Variants in DUSP23 observed in about 807,000 individuals in gnomAD.
The protein encoded by DUSP23 is dual specificity phosphatase 23.
In DUSP23, 10 loss-of-function variants were observed where a neutral mutation model predicts 13.3. That is an observed-to-expected ratio of 0.75 (90% confidence interval 0.46 to 1.27). The LOEUF (loss-of-function observed/expected upper bound fraction) is 1.27. DUSP23 is among the 50% of genes most tolerant of loss of function. The pLI is 0.00. For missense variants in DUSP23, 228 were observed against 204.8 expected, an observed-to-expected ratio of 1.11 and a Z score of -0.69; for synonymous variants, 107 against 95.3, an observed-to-expected ratio of 1.12 and a Z score of -0.72.
At position 159,781,357 on chromosome 1, in the gene DUSP23, C is replaced by CA; in HGVS notation, c.258dup (p.Arg87ThrfsTer38). The CA allele has an allele frequency of 1.3e-6, 2 of 1,519,252 alleles. No individual in the cohort carries two copies. Among genetic ancestry groups the CA allele is most frequent in the Non-Finnish European group, 1.8e-6 (2 of 1,130,742 alleles). 94.1% of individuals were successfully genotyped at this position (1,519,252 alleles called of 1,614,324 possible). On this transcript the variant is annotated frameshift_variant, in exon 1 of 2. Coordinates refer to ENST00000368107, the MANE Select transcript of DUSP23 (RefSeq NM_001319658.2). LOFTEE classifies it high-confidence loss of function. ...GTGCAGATCGTGGACGAGGCCAACG[C>CA]ACGGGGAGAGGTCAGCGGGCGGGGT... is the stretch of plus-strand genomic sequence containing the variant.
At position 159,781,359 on chromosome 1, in the gene DUSP23, CG is replaced by C. The variant is rs1661865976; in HGVS notation, c.263del (p.Gly88GlufsTer24). ...FVQIVDEANA[R>X]GEAVGVHCAL... ...GCAGATCGTGGACGAGGCCAACGCA[CG>C]GGGAGAGGTCAGCGGGCGGGGTCAG... On this transcript the variant is annotated frameshift_variant, in exon 1 of 2. Coordinates refer to ENST00000368107, the MANE Select transcript of DUSP23 (RefSeq NM_001319658.2). LOFTEE classifies it high-confidence loss of function. 6.6e-7 allele frequency: 1 copy of C among 1,514,620 alleles called. No homozygotes were observed. The highest frequency in any genetic ancestry group is 2.5e-5 in the East Asian group (1 of 39,782). The allele number at this position is 1,514,620 out of a possible 1,614,324, so 93.8% of individuals were successfully genotyped here. A position where few individuals can be genotyped will look rare whatever the true frequency, so the allele number is the denominator to read the frequency against.
chr1:159,782,138 GC>G lies in DUSP23; in HGVS notation c.268-10del. ...GGGGGAGTTGAGTGGCACCCATCGA[GC>G]CCCCTCTTCGTAGGCTGTGGGAGTG... On this transcript the variant is annotated splice_polypyrimidine_tract_variant and intron_variant, in intron 1 of 1. Coordinates refer to ENST00000368107, the MANE Select transcript of DUSP23 (RefSeq NM_001319658.2). 6.2e-7 allele frequency: 1 copy of G among 1,612,264 alleles called. No individual in the cohort carries two copies. The highest frequency in any genetic ancestry group is 1.7e-4 in the Middle Eastern group (1 of 6,036).
Position 159,781,358 on chromosome 1 carries a change from A to G in DUSP23, c.258A>G (p.Ala86=). The change falls in exon 1 of 2, where the codon GCA becomes GCG. Residue 86 remains alanine (A), a synonymous_variant. Transcript: ENST00000368107. ...TGCAGATCGTGGACGAGGCCAACGC[A>G]CGGGGAGAGGTCAGCGGGCGGGGTC... ...RFVQIVDEAN[A]RGEAVGVHCA... The G allele has an allele frequency of 1.3e-6, 2 of 1,518,890 alleles. No homozygotes were observed. Among genetic ancestry groups the G allele is most frequent in the African/African-American group, 1.4e-5 (1 of 71,690 alleles). 94.1% of individuals were successfully genotyped at this position (1,518,890 alleles called of 1,614,324 possible).
At chr1:159,781,390 G>T in intron 1 of DUSP23, 23 bp downstream of exon 1, 1 of 1,474,996 alleles carries the variant, frequency 6.8e-7, no homozygotes. Flanking sequence ...GGTCAGCGCA[G>T]GGAGGGAGGG....
Position 159,781,096 on chromosome 1 carries a change from C to A in DUSP23, c.-5C>A, listed in dbSNP as rs1173090180. The A allele has an allele frequency of 4.5e-6, 7 of 1,541,784 alleles. No individual in the cohort carries two copies. The highest frequency in any genetic ancestry group is 6.1e-6 in the Non-Finnish European group (7 of 1,145,938). On this transcript the variant is annotated 5_prime_UTR_variant, in exon 1 of 2. Transcript: ENST00000368107. ...TGACCCGCTGTCCTGTGCCCTTTCC[C>A]AGCGATGGGCGTGCAGCCCCCCAAC...
Position 159,781,270 on chromosome 1 carries a change from C to T in DUSP23, c.170C>T (p.Thr57Ile). The T allele has an allele frequency of 1.3e-6, 2 of 1,548,168 alleles. No individual in the cohort carries two copies. Among genetic ancestry groups the T allele is most frequent in the Non-Finnish European group, 1.7e-6 (2 of 1,146,114 alleles). Residue 57 changes from threonine to isoleucine, a missense_variant, in exon 1 of 2, where the codon ACC (threonine) becomes ATC (isoleucine). Thr to Ile is a moderately conservative substitution (Grantham distance 89). Transcript: ENST00000368107. ...CACAGCGACAGCTGCCCCGGCCTCA[C>T]CCTGCACCGCCTGCGCATCCCCGAC... ...PPHSDSCPGLTLHRLRIPDFC... is the reference protein window; with the variant it reads ...PPHSDSCPGLILHRLRIPDFC...
chr1:159,782,383 T>TGGGGAAGGG lies in DUSP23; in HGVS notation c.*46_*47insGGGAAGGGG. 6.3e-7 allele frequency: 1 copy of TGGGGAAGGG among 1,599,038 alleles called. No individual in the cohort carries two copies. The highest frequency in any genetic ancestry group is 1.1e-5 in the South Asian group (1 of 89,752). ...ACCAGGCCCTCACTCCCCTTCCCCA[T>TGGGGAAGGG]GTTGTCGATGGGGCCAGAGATGAAG... On this transcript the variant is annotated 3_prime_UTR_variant, in exon 2 of 2. Coordinates refer to ENST00000368107, the MANE Select transcript of DUSP23 (RefSeq NM_001319658.2).
intron 1 of DUSP23, among the ~76,000 whole-genome samples, chr1:159,781,685 C>G (rs1256348256): frequency 3.3e-5 from 5 of 152,150 alleles, no homozygotes; most frequent in Non-Finnish European, 5.9e-5. Flanking sequence ...TTACCATTTT[C>G]TAGAGTAAAG....
Position 159,780,986 on chromosome 1 carries a change from G to A in DUSP23, c.-115G>A. 1.5e-6 allele frequency: 2 copies of A among 1,332,420 alleles called. No individual in the cohort carries two copies. Among genetic ancestry groups the A allele is most frequent in the Admixed American group, 3.0e-5 (1 of 33,850 alleles). The allele number at this position is 1,332,420 out of a possible 1,614,324, so 82.5% of individuals were successfully genotyped here. A position where few individuals can be genotyped will look rare whatever the true frequency, so the allele number is the denominator to read the frequency against. Reference sequence around the variant, plus strand: ...CAGACCACGTGGCCCGGGAGGCGCCGAGGCCAGGTAGGTGGTGAGTTACTT... The same window carrying A: ...CAGACCACGTGGCCCGGGAGGCGCCAAGGCCAGGTAGGTGGTGAGTTACTT... On this transcript the variant is annotated 5_prime_UTR_variant, in exon 1 of 2. Transcript: ENST00000368107.
Position 159,781,205 on chromosome 1 carries a change from C to T in DUSP23, c.105C>T (p.Gly35=). Residue 35 remains glycine, a synonymous_variant, in exon 1 of 2, where the codon GGC becomes GGT. Coordinates refer to ENST00000368107, the MANE Select transcript of DUSP23 (RefSeq NM_001319658.2). ...PAHYQFLLDL[G]VRHLVSLTER... Reference sequence around the variant, plus strand: ...ACTACCAGTTCCTGTTGGACCTGGGCGTGCGGCACCTGGTGTCCCTGACGG... The same window carrying T: ...ACTACCAGTTCCTGTTGGACCTGGGTGTGCGGCACCTGGTGTCCCTGACGG... The T allele has an allele frequency of 1.9e-6, 3 of 1,549,452 alleles. 1 individual carries two copies. In the South Asian group the frequency reaches 3.6e-5, roughly 18 times the overall value.
In DUSP23 at chr1:159,782,410, G is replaced by A; in HGVS notation, c.*72G>A. 6.5e-7 allele frequency: 1 copy of A among 1,541,296 alleles called. No homozygotes were observed. The highest frequency in any genetic ancestry group is 8.8e-7 in the Non-Finnish European group (1 of 1,132,142). On this transcript the variant is annotated 3_prime_UTR_variant, in exon 2 of 2. Coordinates refer to ENST00000368107, the MANE Select transcript of DUSP23 (RefSeq NM_001319658.2). ...TTGTCGATGGGGCCAGAGATGAAGGGAAGTGGACTAAAGTATTAAACCCTC... is the reference window on the plus strand; with the variant it reads ...TTGTCGATGGGGCCAGAGATGAAGGAAAGTGGACTAAAGTATTAAACCCTC...
rs1373084298 is a variant in DUSP23 at position 159,781,229 on chromosome 1, G to A, written c.129G>A (p.Thr43=). The A allele has an allele frequency of 3.9e-6, 6 of 1,549,108 alleles. No individual in the cohort carries two copies. The highest frequency in any genetic ancestry group is 3.9e-5 in the Admixed American group (2 of 50,948). ...GCGTGCGGCACCTGGTGTCCCTGACGGAGCGCGGGCCCCCTCACAGCGACA... is the reference window on the plus strand; with the variant it reads ...GCGTGCGGCACCTGGTGTCCCTGACAGAGCGCGGGCCCCCTCACAGCGACA... ...DLGVRHLVSL[T]ERGPPHSDSC... The change falls in exon 1 of 2, where the codon ACG becomes ACA. Residue 43 remains threonine, a synonymous_variant. Coordinates refer to ENST00000368107, the MANE Select transcript of DUSP23 (RefSeq NM_001319658.2).
chr1:159,781,523 G>C (rs1457287305), intron 1 of DUSP23, among the ~76,000 whole-genome samples, 156 bp downstream of exon 1: 2 of 152,188 alleles, frequency 1.3e-5, no homozygotes, highest in African/African-American at 2.4e-5. Context: ...GGGGAGGGAA[G>C]CGCTAAACGG....
intron 1 of DUSP23, among the ~76,000 whole-genome samples, chr1:159,781,573 TGAG>T (rs1456482077): frequency 1.3e-5 from 2 of 151,956 alleles, no homozygotes; most frequent in Non-Finnish European, 2.9e-5. Flanking sequence ...GAACTGGGCT[TGAG>T]GAGAGGCAGT....
Position 159,782,189 on chromosome 1 carries a change from A to G in DUSP23, c.304A>G (p.Thr102Ala), listed in dbSNP as rs1285761340. 3 of 1,614,116 alleles carry G rather than the reference A, an allele frequency of 1.9e-6. No individual in the cohort carries two copies. Among genetic ancestry groups the G allele is most frequent in the South Asian group, 2.2e-5 (2 of 91,072 alleles). Reference sequence around the variant, plus strand: ...GCACTGTGCTCTGGGCTTTGGCCGCACTGGCACCATGCTGGCCTGTTACCT... The same window carrying G: ...GCACTGTGCTCTGGGCTTTGGCCGCGCTGGCACCATGCTGGCCTGTTACCT... The part of the protein sequence containing the change: ...GVHCALGFGR[T>A]GTMLACYLVK... Residue 102 changes from threonine (T) to alanine (A), a missense_variant, in exon 2 of 2, where the codon ACT becomes GCT. Physicochemically the swap from Thr to Ala is moderately conservative, Grantham distance 58. Coordinates refer to ENST00000368107, the MANE Select transcript of DUSP23 (RefSeq NM_001319658.2).
chr1:159,781,355 C>A lies in DUSP23; in HGVS notation c.255C>A (p.Asn85Lys). Residue 85 changes from asparagine (N) to lysine (K), a missense_variant, in exon 1 of 2, where the codon AAC (asparagine) becomes AAA (lysine). By Grantham distance (94) the Asn-to-Lys change is moderately conservative. Coordinates refer to ENST00000368107, the MANE Select transcript of DUSP23 (RefSeq NM_001319658.2). ...TCGTGCAGATCGTGGACGAGGCCAA[C>A]GCACGGGGAGAGGTCAGCGGGCGGG... ...DRFVQIVDEA[N>K]ARGEAVGVHC... The A allele has an allele frequency of 6.6e-7, 1 of 1,523,026 alleles. No individual in the cohort carries two copies. The allele number at this position is 1,523,026 out of a possible 1,614,324, so 94.3% of individuals were successfully genotyped here. A position where few individuals can be genotyped will look rare whatever the true frequency, so the allele number is the denominator to read the frequency against.
chr1:159,781,056 C>A lies in DUSP23; in HGVS notation c.-45C>A. ...GACGCGTGGGCGGAGCGGGGCTGGC[C>A]AGCCTCGGCCCCCATGACCCGCTGT... On this transcript the variant is annotated 5_prime_UTR_variant, in exon 1 of 2. Coordinates refer to ENST00000368107, the MANE Select transcript of DUSP23 (RefSeq NM_001319658.2). 1 of 1,503,194 alleles carries A rather than the reference C, an allele frequency of 6.7e-7. No individual in the cohort carries two copies. Among genetic ancestry groups the A allele is most frequent in the South Asian group, 1.3e-5 (1 of 79,418 alleles). The allele number at this position is 1,503,194 out of a possible 1,614,324, so 93.1% of individuals were successfully genotyped here.
chr1:159,781,014 C>T lies in DUSP23; in HGVS notation c.-87C>T, dbSNP rs966516898. 366 of 1,436,192 alleles carry T rather than the reference C, an allele frequency of 2.5e-4. No homozygotes were observed. Among genetic ancestry groups the T allele is most frequent in the Non-Finnish European group, 3.2e-4 (354 of 1,093,876 alleles). 89.0% of individuals were successfully genotyped at this position (1,436,192 alleles called of 1,614,324 possible). A position where few individuals can be genotyped will look rare whatever the true frequency, so the allele number is the denominator to read the frequency against. ...GCCAGGTAGGTGGTGAGTTACTTGG[C>T]TCGGAGCGGGCGAGGGGACGCGTGG... On this transcript the variant is annotated 5_prime_UTR_variant, in exon 1 of 2. Coordinates refer to ENST00000368107, the MANE Select transcript of DUSP23 (RefSeq NM_001319658.2).
In DUSP23 at chr1:159,781,125, T is replaced by C. The variant is rs754060217; in HGVS notation, c.25T>C (p.Ser9Pro). Residue 9 changes from serine (S) to proline (P), a missense_variant, in exon 1 of 2, where the codon TCC becomes CCC. Ser to Pro is a moderately conservative substitution (Grantham distance 74). Coordinates refer to ENST00000368107, the MANE Select transcript of DUSP23 (RefSeq NM_001319658.2). ...GATGGGCGTGCAGCCCCCCAACTTC[T>C]CCTGGGTGCTTCCGGGCCGGCTGGC... The part of the protein sequence containing the change: MGVQPPNF[S>P]WVLPGRLAGL... 1.9e-6 allele frequency: 3 copies of C among 1,547,516 alleles called. No individual in the cohort carries two copies. The South Asian group carries it at 3.6e-5, about 18-fold the overall frequency.
Sources: gnomAD v4.1 joint callset for allele counts (sites outside exome capture counted in the v4.1 genomes callset) on GRCh38, gnomAD v4.1.1 for gene constraint, MANE v1.5 for transcripts, NCBI Gene and HGNC (gene_info 2026-07-23, HGNC 2026-07-21) for gene names.